Variants in CAMK1D observed in about 807,000 individuals in gnomAD.
CAMK1D encodes the protein calcium/calmodulin-dependent protein kinase type 1D.
CAMK1D carries 9 observed loss-of-function variants against 47.7 expected under a neutral mutation model. That is an observed-to-expected ratio of 0.19 (90% CI 0.11 to 0.33). The LOEUF is 0.33. Ranked by LOEUF, CAMK1D falls within the 10% of genes least tolerant of loss-of-function variation. The pLI is 1.00. For synonymous variants in CAMK1D, 184 were observed against 184.9 expected, an observed-to-expected ratio of 0.99 and a Z score of 0.04; for missense variants, 291 against 488.7, an observed-to-expected ratio of 0.60 and a Z score of 3.81.
At chr10:12,427,700 G>GTTTTTTGT (rs1840284197) in intron 1 of CAMK1D, among the ~76,000 whole-genome samples, 27 of 31,038 alleles carry the variant, frequency 8.7e-4, no homozygotes, top group Non-Finnish European at 1.0e-3. Flanking sequence ...TGAACTTACT[G>GTTTTTTGT]TTTTTTTTTT....
At chr10:12,514,176 T>C (rs1477590299) in intron 1 of CAMK1D, among the ~76,000 whole-genome samples, 1 of 152,204 alleles carries the variant, frequency 6.6e-6, no homozygotes, top group Admixed American at 6.5e-5. Flanking sequence ...TGAATGCTCA[T>C]AGCAACCAGC....
At chr10:12,612,210 G>T (rs1409034483) in intron 2 of CAMK1D, among the ~76,000 whole-genome samples, 1 of 152,132 alleles carries the variant, frequency 6.6e-6, no homozygotes, top group Admixed American at 6.6e-5. Flanking sequence ...GGTCTACAAG[G>T]CACCTTCAAG....
intron 6 of CAMK1D, among the ~76,000 whole-genome samples, chr10:12,796,535 T>C (rs891823139): frequency 7.9e-5 from 12 of 152,264 alleles, no homozygotes; most frequent in African/African-American, 2.9e-4. Flanking sequence ...CTTTGAGCAA[T>C]TGACAGCTGG....
rs145103524 is a variant in CAMK1D at position 12,638,626 on chromosome 10, C to T, written c.225-28110C>T. Among the ~76,000 whole-genome samples, 852 of 152,232 alleles carry T rather than the reference C, an allele frequency of 5.6e-3. 9 individuals carry two copies. The highest frequency in any genetic ancestry group is 0.02 in the African/African-American group (821 of 41,536). ...CAGCACTGCACCCTCAGTTGGATGC[C>T]GCCTCAGAGTAGCCTGCTGGCTGGA... is the stretch of plus-strand genomic sequence containing the variant. On this transcript the variant is annotated intron_variant, in intron 2 of 10. Coordinates refer to ENST00000619168, the MANE Select transcript of CAMK1D (RefSeq NM_153498.4).
At chr10:12,721,747 C>T (rs913771714) in intron 3 of CAMK1D, among the ~76,000 whole-genome samples, 2 of 152,078 alleles carry the variant, frequency 1.3e-5, no homozygotes, top group Non-Finnish European at 1.5e-5. Context: ...CCACATGGCT[C>T]GATGGGAAAT....
chr10:12,579,130 A>G (rs1837585691), intron 2 of CAMK1D, among the ~76,000 whole-genome samples: 1 of 151,820 alleles, frequency 6.6e-6, no homozygotes. Context: ...TGGGAGCGCG[A>G]GGAGTCCTCG....
chr10:12,802,853 C>T (rs1042967991), intron 6 of CAMK1D, among the ~76,000 whole-genome samples: 4 of 152,254 alleles, frequency 2.6e-5, no homozygotes, highest in South Asian at 2.1e-4. Context: ...CACGTGGCCT[C>T]GTCTCTGGCT....
chr10:12,485,784 A>G (rs12774729), intron 1 of CAMK1D, among the ~76,000 whole-genome samples: 23,649 of 152,176 alleles, frequency 0.16, 1,937 homozygotes, highest in Non-Finnish European at 0.18. Context: ...ATATGCCAAG[A>G]TGTCATATTA....
intron 1 of CAMK1D, among the ~76,000 whole-genome samples, chr10:12,441,734 C>T (rs1832791244): frequency 6.6e-6 from 1 of 151,964 alleles, no homozygotes; most frequent in Non-Finnish European, 1.5e-5. Context: ...TCGCTTCAAC[C>T]CAGGAGTGAA....
intron 2 of CAMK1D, among the ~76,000 whole-genome samples, chr10:12,640,840 G>GA (rs1297797408): frequency 3.9e-5 from 6 of 152,260 alleles, no homozygotes; most frequent in African/African-American, 9.6e-5. Context: ...GTGGAAACAG[G>GA]AAAAACATTG....
chr10:12,728,456 A>C (rs1042726195), intron 3 of CAMK1D, among the ~76,000 whole-genome samples: 2 of 152,226 alleles, frequency 1.3e-5, no homozygotes, highest in Non-Finnish European at 2.9e-5. Flanking sequence ...TACAGGGCCA[A>C]AGTAACCCGT....
At chr10:12,650,340 C>T (rs924013353) in intron 2 of CAMK1D, among the ~76,000 whole-genome samples, 3 of 152,242 alleles carry the variant, frequency 2.0e-5, no homozygotes, top group African/African-American at 7.2e-5. Flanking sequence ...AGGGCTGTGC[C>T]CGCATAGCCC....
At chr10:12,705,027 GT>G (rs1204244225) in intron 3 of CAMK1D, among the ~76,000 whole-genome samples, 3 of 152,160 alleles carry the variant, frequency 2.0e-5, no homozygotes, top group Non-Finnish European at 4.4e-5. Context: ...GATCAGTTAA[GT>G]TAGTTGACAT....
intron 2 of CAMK1D, among the ~76,000 whole-genome samples, chr10:12,569,479 G>C (rs943357496): frequency 6.6e-6 from 1 of 151,832 alleles, no homozygotes; most frequent in African/African-American, 2.4e-5. Flanking sequence ...GGGAGGCCGA[G>C]GCAGGCAGAT....
chr10:12,558,720 A>G (rs148074475), intron 2 of CAMK1D, among the ~76,000 whole-genome samples: 25 of 152,312 alleles, frequency 1.6e-4, no homozygotes, highest in African/African-American at 5.1e-4. Flanking sequence ...TGTCTGGAGC[A>G]GCCCATTTAC....
At position 12,831,737 on chromosome 10, in the gene CAMK1D, G is replaced by T. The variant is rs2131147395; in HGVS notation, c.*2850G>T. 6.6e-6 allele frequency: 1 copy of T among 152,350 alleles called. No individual in the cohort carries two copies. The highest frequency in any genetic ancestry group is 1.5e-5 in the Non-Finnish European group (1 of 68,046). The allele number at this position is 152,350 out of a possible 1,614,324, so 9.4% of individuals were successfully genotyped here. A position where few individuals can be genotyped will look rare whatever the true frequency, so the allele number is the denominator to read the frequency against. ...AGCATGACATCAGGAAGCCTGTACT[G>T]TCCTGATCCCACCAGGCTTGGGTTA... On this transcript the variant is annotated 3_prime_UTR_variant, in exon 11 of 11. Transcript: ENST00000619168.
At chr10:12,425,284 C>CTTTCTTTCT (rs1554768266) in intron 1 of CAMK1D, among the ~76,000 whole-genome samples, 1 of 140,972 alleles carries the variant, frequency 7.1e-6, no homozygotes, top group Non-Finnish European at 1.6e-5. Context: ...TTCTTTCTTT[C>CTTTCTTTCT]TTTTTTTTTT....
intron 1 of CAMK1D, among the ~76,000 whole-genome samples, chr10:12,486,546 C>CAT (rs772484025): frequency 6.7e-6 from 1 of 149,668 alleles, no homozygotes; most frequent in Non-Finnish European, 1.5e-5. Flanking sequence ...CACACACACA[C>CAT]ACACACGTAC....
intron 2 of CAMK1D, among the ~76,000 whole-genome samples, chr10:12,608,579 C>T (rs550772641): frequency 3.3e-5 from 5 of 152,168 alleles, no homozygotes; most frequent in African/African-American, 1.2e-4. Context: ...TGTTCTACAA[C>T]AAATGGCATC....
Sources: gnomAD v4.1 joint callset for allele counts (sites outside exome capture counted in the v4.1 genomes callset) on GRCh38, gnomAD v4.1.1 for gene constraint, MANE v1.5 for transcripts, NCBI Gene and HGNC (gene_info 2026-07-23, HGNC 2026-07-21) for gene names.